The following PIAS1 variants were observed in gnomAD, a reference collection of about 807,000 sequenced individuals.
PIAS1 encodes protein inhibitor of activated STAT 1, also known as E3 SUMO-protein ligase PIAS1.
PIAS1 carries 6 observed loss-of-function variants against 71.3 expected under a neutral mutation model. The ratio of observed to expected loss-of-function variants is 0.08; its 90% CI spans 0.05 to 0.17. The LOEUF (loss-of-function observed/expected upper bound fraction) is 0.17. PIAS1 is among the 10% of genes least tolerant of loss of function. The probability of loss-of-function intolerance (pLI) is 1.00; values close to 1 mark genes in which losing one functional copy is unlikely to be tolerated. For missense variants in PIAS1, 555 were observed against 793.6 expected (o/e 0.70, Z 3.61); for synonymous variants, 303 against 292.9 (o/e 1.03, Z -0.35).
intron 1 of PIAS1, among the ~76,000 whole-genome samples, chr15:68,071,063 G>T (rs1737738462): frequency 6.6e-6 from 1 of 152,142 alleles, no homozygotes; most frequent in African/African-American, 2.4e-5. Context: ...TAGGTGGGAG[G>T]ACAATTGTAG....
At chr15:68,092,942 C>G (rs537824883) in intron 2 of PIAS1, among the ~76,000 whole-genome samples, 3 of 152,240 alleles carry the variant, frequency 2.0e-5, no homozygotes, top group African/African-American at 7.2e-5. Context: ...CTAGTTGAAA[C>G]CAGTAGTGAA....
At chr15:68,082,566 A>G (rs989472274) in intron 1 of PIAS1, among the ~76,000 whole-genome samples, 1 of 152,166 alleles carries the variant, frequency 6.6e-6, no homozygotes, top group Non-Finnish European at 1.5e-5. Context: ...TATACAGAAA[A>G]GAGTAATCAT....
Position 68,173,972 on chromosome 15 carries a change from A to G in PIAS1, c.1169+80A>G. The G allele has an allele frequency of 2.3e-6, 2 of 888,494 alleles. No homozygotes were observed. The highest frequency in any genetic ancestry group is 3.1e-6 in the Non-Finnish European group (2 of 646,710). 55.0% of individuals were successfully genotyped at this position (888,494 alleles called of 1,614,324 possible). A position where few individuals can be genotyped will look rare whatever the true frequency, so the allele number is the denominator to read the frequency against. ...TTGTTACACATCAGATTTGGGATGA[A>G]AATTCTAAGTTATATATTTGTAGGA... On this transcript the variant is annotated intron_variant, in intron 9 of 13. Coordinates refer to ENST00000249636, the MANE Select transcript of PIAS1 (RefSeq NM_016166.3). The surrounding 1 kb of genome is among the most constrained non-coding windows in gnomAD (Gnocchi z 4.3).
intron 8 of PIAS1, among the ~76,000 whole-genome samples, chr15:68,166,100 GA>G (rs933888076): frequency 4.6e-5 from 7 of 151,924 alleles, no homozygotes; most frequent in African/African-American, 1.2e-4. Context: ...GTAAGTTATA[GA>G]AAAAAATACA....
intron 2 of PIAS1, among the ~76,000 whole-genome samples, chr15:68,120,717 T>G (rs1436082090): frequency 6.6e-6 from 1 of 152,140 alleles, no homozygotes; most frequent in East Asian, 1.9e-4. Context: ...TGCAGTGGCG[T>G]GATCTCAGCT....
At position 68,054,453 on chromosome 15, in the gene PIAS1, T is replaced by C; in HGVS notation, c.24+103T>C. 7.9e-7 allele frequency: 1 copy of C among 1,263,230 alleles called. No individual in the cohort carries two copies. Among genetic ancestry groups the C allele is most frequent in the African/African-American group, 1.5e-5 (1 of 66,198 alleles). 78.3% of individuals were successfully genotyped at this position (1,263,230 alleles called of 1,614,324 possible). On this transcript the variant is annotated intron_variant, in intron 1 of 13. Coordinates refer to ENST00000249636, the MANE Select transcript of PIAS1 (RefSeq NM_016166.3). This position sits in a 1 kb window ranked among gnomAD's most constrained non-coding sequence, Gnocchi z 4.6. ...CCCTGGGGGGCCTCTCGGGCCTGAC[T>C]CCACCCGGGCCTGGAGTTGTAGGGA... is the stretch of plus-strand genomic sequence containing the variant.
chr15:68,155,890 C>G (rs1017561836), intron 7 of PIAS1, among the ~76,000 whole-genome samples: 2 of 152,202 alleles, frequency 1.3e-5, no homozygotes, highest in African/African-American at 4.8e-5. Context: ...CCCCCTCTCT[C>G]AGCACTCTGC....
intron 2 of PIAS1, among the ~76,000 whole-genome samples, chr15:68,132,477 A>T (rs1311684985): frequency 6.7e-6 from 1 of 149,324 alleles, no homozygotes; most frequent in African/African-American, 2.5e-5. Context: ...TCTGTCTCTA[A>T]AAAAAAAAGG....
intron 2 of PIAS1, among the ~76,000 whole-genome samples, chr15:68,092,544 C>A (rs2092341263): frequency 2.6e-5 from 4 of 152,150 alleles, no homozygotes; most frequent in Admixed American, 2.6e-4. Flanking sequence ...AGAATATCTC[C>A]TTGCTGTGGT....
At chr15:68,070,576 C>A (rs973415861) in intron 1 of PIAS1, among the ~76,000 whole-genome samples, 7 of 152,040 alleles carry the variant, frequency 4.6e-5, no homozygotes, top group Admixed American at 4.6e-4. Context: ...AGTACTATGG[C>A]CACTAGTTCT....
At chr15:68,062,488 G>A (rs919665229) in intron 1 of PIAS1, among the ~76,000 whole-genome samples, 2 of 152,062 alleles carry the variant, frequency 1.3e-5, no homozygotes, top group Non-Finnish European at 2.9e-5. Context: ...TTTTCACCTC[G>A]AAAAGCAACC....
At chr15:68,091,172 A>C (rs1326712314) in intron 2 of PIAS1, among the ~76,000 whole-genome samples, 1 of 152,210 alleles carries the variant, frequency 6.6e-6, no homozygotes, top group Non-Finnish European at 1.5e-5. Context: ...TTACATAATT[A>C]TGAAAATAAA....
Position 68,186,656 on chromosome 15 carries a change from C to CT in PIAS1, c.1663-885dup, listed in dbSNP as rs1164822210. Among the ~76,000 whole-genome samples the CT allele has an allele frequency of 2.0e-5, 3 of 152,264 alleles. No homozygotes were observed. Among genetic ancestry groups the CT allele is most frequent in the African/African-American group, 7.2e-5 (3 of 41,476 alleles). On this transcript the variant is annotated intron_variant, in intron 13 of 13. Coordinates refer to ENST00000249636, the MANE Select transcript of PIAS1 (RefSeq NM_016166.3). The surrounding 1 kb of genome is among the most constrained non-coding windows in gnomAD (Gnocchi z 4.4). ...GGCTCACCCAGAGCAACTTCCAGTA[C>CT]TGCAGGCTCCATTCATGGTAAGTGC...
intron 2 of PIAS1, among the ~76,000 whole-genome samples, chr15:68,093,386 G>T (rs1158210577): frequency 6.6e-6 from 1 of 152,246 alleles, no homozygotes; most frequent in Non-Finnish European, 1.5e-5. Flanking sequence ...GAATTGTGCG[G>T]AAGCACTGTA....
intron 1 of PIAS1, among the ~76,000 whole-genome samples, chr15:68,081,011 A>G (rs1371745601): frequency 6.6e-6 from 1 of 152,250 alleles, no homozygotes; most frequent in Non-Finnish European, 1.5e-5. Context: ...TAATGAGACA[A>G]TAAAACTGGC....
At chr15:68,110,207 CAAAA>C (rs1363058078) in intron 2 of PIAS1, among the ~76,000 whole-genome samples, 1 of 151,964 alleles carries the variant, frequency 6.6e-6, no homozygotes, top group Non-Finnish European at 1.5e-5. Flanking sequence ...AAAAAGAAAA[CAAAA>C]GAATACTTTT....
chr15:68,131,449 A>G (rs2092687348), intron 2 of PIAS1, among the ~76,000 whole-genome samples: 1 of 149,968 alleles, frequency 6.7e-6, no homozygotes, highest in Non-Finnish European at 1.5e-5. Flanking sequence ...GTTACTAGCT[A>G]TGTTCACTGT....
intron 3 of PIAS1, 128 bp downstream of exon 3, chr15:68,142,158 G>A (rs1009471422): frequency 1.1e-6 from 1 of 940,444 alleles, no homozygotes; most frequent in South Asian, 1.4e-5. Flanking sequence ...TGAAAGTATA[G>A]TGTGTTAGTT....
At position 68,134,714 on chromosome 15, in the gene PIAS1, G is replaced by T. The variant is rs2092710937; in HGVS notation, c.470-7232G>T. On this transcript the variant is annotated intron_variant, in intron 2 of 13. Coordinates refer to ENST00000249636, the MANE Select transcript of PIAS1 (RefSeq NM_016166.3). The stretch of plus-strand genomic sequence containing the variant: ...CCGGAAGGGGTGGCTGGCCGGGCGG[G>T]GGCTGACCCCCCCACCTCCCTCCCG... Among the ~76,000 whole-genome samples the T allele has an allele frequency of 1.0e-4, 4 of 39,218 alleles. 2 individuals carry two copies. Among genetic ancestry groups the T allele is most frequent in the Admixed American group, 8.2e-4 (4 of 4,864 alleles). The allele number at this position is 39,218 out of a possible 152,430, so 25.7% of individuals were successfully genotyped here. A position where few individuals can be genotyped will look rare whatever the true frequency, so the allele number is the denominator to read the frequency against.
Sources: allele counts gnomAD v4.1 joint callset (sites outside exome capture counted in the v4.1 genomes callset), GRCh38; gene constraint gnomAD v4.1.1; non-coding constraint Gnocchi (gnomAD v3.1); transcripts MANE v1.5; gene names NCBI Gene and HGNC (gene_info 2026-07-23, HGNC 2026-07-21).